The following UGT1A3 variants were observed in gnomAD, a reference collection of about 807,000 sequenced individuals.
UGT1A3 encodes the protein UDP glucuronosyltransferase family 1 member A3, also known as UDP-glucuronosyltransferase 1A3.
In UGT1A3, 31 loss-of-function variants were observed where a neutral mutation model predicts 41.0. That is an observed-to-expected ratio of 0.76 (90% CI 0.57 to 1.02). The LOEUF is 1.02. Ranked by LOEUF, UGT1A3 falls within the 50% of genes least tolerant of loss-of-function variation. The pLI is 0.00. For missense variants in UGT1A3, 737 were observed against 671.0 expected (o/e 1.10, Z -1.09); for synonymous variants, 262 against 257.6 (o/e 1.02, Z -0.17).
At chr2:233,747,994 T>C (rs11888459) in intron 1 of UGT1A3, 570,680 of 1,612,980 alleles carry the variant, frequency 0.35, 103,977 homozygotes, top group African/African-American at 0.43. Context: ...CGAGGGGACT[T>C]TGTGATGGAT....
intron 1 of UGT1A3, among the ~76,000 whole-genome samples, chr2:233,761,536 A>G (rs1039884807): frequency 6.6e-6 from 1 of 152,248 alleles, no homozygotes; most frequent in Non-Finnish European, 1.5e-5. Context: ...TGATGAAATC[A>G]TTCTTTGATG....
At chr2:233,754,968 C>T in intron 1 of UGT1A3, 3 of 1,303,126 alleles carry the variant, frequency 2.3e-6, no homozygotes, top group Non-Finnish European at 2.1e-6. Context: ...AAAGAACTCC[C>T]TGAAGACCTC....
intron 1 of UGT1A3, among the ~76,000 whole-genome samples, chr2:233,749,970 G>A (rs373320687): frequency 6.6e-6 from 1 of 151,884 alleles, no homozygotes; most frequent in Non-Finnish European, 1.5e-5. Context: ...TGTCTTTATA[G>A]CAGTGTGAGA....
chr2:233,749,829 T>C (rs758485445), intron 1 of UGT1A3, among the ~76,000 whole-genome samples: 1 of 151,956 alleles, frequency 6.6e-6, no homozygotes, highest in Non-Finnish European at 1.5e-5. Context: ...CTCTCTTTCA[T>C]GTAAGACGTG....
At chr2:233,736,828 G>T (rs2078816893) in intron 1 of UGT1A3, among the ~76,000 whole-genome samples, 1 of 152,192 alleles carries the variant, frequency 6.6e-6, no homozygotes, top group Admixed American at 6.5e-5. Flanking sequence ...GATGCTCTTT[G>T]CTTTGGTATC....
chr2:233,752,828 G>A (rs1490866315), intron 1 of UGT1A3, among the ~76,000 whole-genome samples: 1 of 152,172 alleles, frequency 6.6e-6, no homozygotes, highest in Non-Finnish European at 1.5e-5. Context: ...TATGACATCA[G>A]TAATCTAGGA....
At chr2:233,747,851 C>G in intron 1 of UGT1A3, 1 of 1,613,534 alleles carries the variant, frequency 6.2e-7, no homozygotes, top group Non-Finnish European at 8.5e-7. Context: ...GGGTCAAGAA[C>G]ATGCTCTACC....
intron 1 of UGT1A3, among the ~76,000 whole-genome samples, chr2:233,757,812 T>C (rs772268398): frequency 4.0e-5 from 6 of 151,794 alleles, no homozygotes; most frequent in Non-Finnish European, 8.8e-5. Flanking sequence ...TGAAAGGAGC[T>C]GGTAGTGTGT....
intron 1 of UGT1A3, among the ~76,000 whole-genome samples, chr2:233,766,276 CCCGGGCTCG>C (rs1699094963): frequency 2.0e-5 from 3 of 151,848 alleles, no homozygotes; most frequent in Non-Finnish European, 1.5e-5. Flanking sequence ...GGCTCGGTGG[CCCGGGCTCG>C]GTGGCCTGGG....
intron 1 of UGT1A3, among the ~76,000 whole-genome samples, chr2:233,731,288 T>C (rs1332920122): frequency 3.9e-5 from 6 of 151,912 alleles, no homozygotes; most frequent in Non-Finnish European, 5.9e-5. Context: ...TTCTTTCTTT[T>C]TTTTTTTTTT....
chr2:233,763,116 C>G lies in UGT1A3; in HGVS notation c.868-3918C>G, dbSNP rs565550780. On this transcript the variant is annotated intron_variant, in intron 1 of 4. Transcript: ENST00000482026. ...GAGAGGCACCGAACTTTATCAGCTG[C>G]CTTTCTGGCATTTATTGATATAACC... Among the ~76,000 whole-genome samples, 8 of 152,296 alleles carry G rather than the reference C, an allele frequency of 5.3e-5. No individual in the cohort carries two copies. The South Asian group carries it at 8.3e-4, about 16-fold the overall frequency.
chr2:233,765,409 TGG>T (rs1441721232), intron 1 of UGT1A3, among the ~76,000 whole-genome samples: 3 of 152,208 alleles, frequency 2.0e-5, no homozygotes, highest in African/African-American at 7.2e-5. Flanking sequence ...ATATACACCA[TGG>T]AATACTATGC....
At chr2:233,730,068 G>C in intron 1 of UGT1A3, 75 bp downstream of exon 1, 1 of 1,610,044 alleles carries the variant, frequency 6.2e-7, no homozygotes, top group Non-Finnish European at 8.5e-7. Flanking sequence ...ATTTAAAATT[G>C]CTTCCATATT....
rs999481021 is a variant in UGT1A3, at chr2:233,751,049, A to G, written c.868-15985A>G. On this transcript the variant is annotated intron_variant, in intron 1 of 4. Transcript: ENST00000482026. The stretch of plus-strand genomic sequence containing the variant: ...ATAGCTTGCACTGTGTGCCTGGAAA[A>G]GACACAGACACTCAATGCCAGCCTC... Among the ~76,000 whole-genome samples, 4 of 151,908 alleles carry G rather than the reference A, an allele frequency of 2.6e-5. 1 individual carries two copies. The highest frequency in any genetic ancestry group is 9.7e-5 in the African/African-American group (4 of 41,164).
intron 1 of UGT1A3, among the ~76,000 whole-genome samples, chr2:233,751,459 G>C (rs1297643220): frequency 6.6e-6 from 1 of 152,208 alleles, no homozygotes; most frequent in Non-Finnish European, 1.5e-5. Context: ...TTGTTGGGAA[G>C]GCACGATTGG....
intron 1 of UGT1A3, among the ~76,000 whole-genome samples, chr2:233,757,535 A>AATATATATAC (rs376887521): frequency 4.5e-5 from 4 of 88,310 alleles, no homozygotes; most frequent in South Asian, 5.2e-4. Context: ...GCCTGTAAGG[A>AATATATATAC]ATATATATAT....
chr2:233,747,536 G>T (rs1693706230), intron 1 of UGT1A3: 1 of 1,605,072 alleles, frequency 6.2e-7, no homozygotes, highest in Non-Finnish European at 8.5e-7. Flanking sequence ...ATTTTCTGAA[G>T]ACATTTTCTA....
chr2:233,740,000 CTAAG>C (rs1449995031), intron 1 of UGT1A3, among the ~76,000 whole-genome samples: 3 of 151,814 alleles, frequency 2.0e-5, no homozygotes, highest in Non-Finnish European at 4.4e-5. Context: ...TCTTGTCATA[CTAAG>C]TGAGTTCTCA....
At position 233,769,432 on chromosome 2, in the gene UGT1A3, C is replaced by T; in HGVS notation, c.1307+993C>T. On this transcript the variant is annotated intron_variant, in intron 4 of 4. Transcript: ENST00000482026. The surrounding 1 kb of genome is among the most constrained non-coding windows in gnomAD (Gnocchi z 4.4). Reference sequence around the variant, plus strand: ...GTGCGTTTGTGCATGTGGCTGTGCTCATGTGTGGGTGCACACGTGTGCATT... The same window carrying T: ...GTGCGTTTGTGCATGTGGCTGTGCTTATGTGTGGGTGCACACGTGTGCATT... 2 of 1,545,990 alleles carry T rather than the reference C, an allele frequency of 1.3e-6. No homozygotes were observed. The highest frequency in any genetic ancestry group is 1.8e-6 in the Non-Finnish European group (2 of 1,125,632).
Sources: gnomAD v4.1 joint callset for allele counts (sites outside exome capture counted in the v4.1 genomes callset) on GRCh38, gnomAD v4.1.1 for gene constraint, Gnocchi (gnomAD v3.1) non-coding constraint, MANE v1.5 for transcripts, NCBI Gene and HGNC (gene_info 2026-07-23, HGNC 2026-07-21) for gene names.